Variants in BCL2L11 observed in about 807,000 individuals in gnomAD.
The protein encoded by BCL2L11 is bcl-2-like protein 11.
A neutral mutation model predicts 20.6 loss-of-function variants in BCL2L11; 15 were observed. The observed-to-expected ratio is 0.73, with a 90% CI of 0.49 to 1.12. The LOEUF is 1.12. Ranked by LOEUF, BCL2L11 falls within the 50% of genes most tolerant of loss-of-function variation. BCL2L11 has a pLI of 0.00. For missense variants in BCL2L11, 292 were observed against 260.9 expected, an observed-to-expected ratio of 1.12 and a Z score of -0.82; for synonymous variants, 108 against 92.8, an observed-to-expected ratio of 1.16 and a Z score of -0.94.
At chr2:111,149,890 C>T (rs1484935752) in intron 2 of BCL2L11, among the ~76,000 whole-genome samples, 154 bp from the exon 3 acceptor site, 2 of 152,144 alleles carry the variant, frequency 1.3e-5, no homozygotes, top group African/African-American at 4.8e-5. Flanking sequence ...CCACTCTAAT[C>T]TTTAGTACAT....
At chr2:111,128,820 T>G in intron 2 of BCL2L11, 1 of 1,465,238 alleles carries the variant, frequency 6.8e-7, no homozygotes. Flanking sequence ...TCATTGGTGA[T>G]TAAATAAAAT....
intron 2 of BCL2L11, among the ~76,000 whole-genome samples, chr2:111,126,342 C>T (rs532853388): frequency 1.3e-5 from 2 of 152,240 alleles, no homozygotes; most frequent in East Asian, 3.9e-4. Flanking sequence ...AATGGTTATA[C>T]CTGTGAAGTA....
intron 2 of BCL2L11, among the ~76,000 whole-genome samples, chr2:111,148,445 C>T (rs2076841924): frequency 6.6e-6 from 1 of 152,240 alleles, no homozygotes. Flanking sequence ...AGCATCACCT[C>T]ATATCACATC....
chr2:111,128,664 C>G, intron 2 of BCL2L11: 1 of 1,539,304 alleles, frequency 6.5e-7, no homozygotes, highest in African/African-American at 1.4e-5. Flanking sequence ...TTTCACTGTG[C>G]TTTGGATTTA....
rs766299103 is a variant in BCL2L11, at chr2:111,123,827, C to G, written c.82C>G (p.Leu28Val). The stretch of plus-strand genomic sequence containing the variant: ...GCAGCCTGCGGAGAGGCCTCCCCAG[C>G]TCAGACCTGGGGCCCCTACCTCCCT... ...QLQPAERPPQ[L>V]RPGAPTSLQT... The change falls in exon 2 of 4, where the codon CTC becomes GTC. Residue 28 changes from leucine (L) to valine (V), a missense_variant. Coordinates refer to ENST00000393256, the MANE Select transcript of BCL2L11 (RefSeq NM_138621.5). The G allele has an allele frequency of 2.6e-6, 4 of 1,540,152 alleles. No homozygotes were observed. In the Admixed American group the frequency reaches 8.4e-5, roughly 32 times the overall value.
intron 1 of BCL2L11, chr2:111,123,327 C>A (rs1374918459): frequency 2.0e-6 from 2 of 985,508 alleles, no homozygotes; most frequent in African/African-American, 3.5e-5. Context: ...CGCCTGCAAT[C>A]GCTGCATCTG....
At chr2:111,131,054 TGTC>T (rs941318170) in intron 2 of BCL2L11, among the ~76,000 whole-genome samples, 3 of 152,166 alleles carry the variant, frequency 2.0e-5, no homozygotes, top group African/African-American at 7.2e-5. Context: ...GAGAGGGGTC[TGTC>T]GTCTTCTTTT....
chr2:111,131,436 A>G (rs2073934418), intron 2 of BCL2L11: 1 of 152,014 alleles, frequency 6.6e-6, no homozygotes, highest in African/African-American at 2.4e-5. Context: ...TGGATGCAGG[A>G]TCTGTTGTGA....
At chr2:111,122,643 A>G (rs2071353188) in intron 1 of BCL2L11, 3 of 983,482 alleles carry the variant, frequency 3.1e-6, no homozygotes, top group Non-Finnish European at 3.6e-6. Context: ...GAGGAGCGGG[A>G]GGAGGCGGAG....
chr2:111,128,577 C>A, intron 2 of BCL2L11: 3 of 1,474,478 alleles, frequency 2.0e-6, no homozygotes, highest in South Asian at 1.4e-5. Context: ...CACAAGGGTT[C>A]CAGTTTCTCC....
At chr2:111,146,101 G>A (rs2076476040) in intron 2 of BCL2L11, 1 of 985,042 alleles carries the variant, frequency 1.0e-6, no homozygotes, top group Non-Finnish European at 1.2e-6. Flanking sequence ...AAAAAATTTA[G>A]TGCCAGGTTT....
intron 2 of BCL2L11, chr2:111,128,919 C>A (rs2073283003): frequency 1.4e-5 from 17 of 1,173,578 alleles, no homozygotes; most frequent in Non-Finnish European, 1.8e-5. Context: ...GGCTGGTGTT[C>A]TGTTTCATCT....
chr2:111,154,365 A>AAAAG (rs1488824468), intron 3 of BCL2L11, among the ~76,000 whole-genome samples: 4 of 152,044 alleles, frequency 2.6e-5, no homozygotes, highest in African/African-American at 9.7e-5. Flanking sequence ...AAAAAAAAAA[A>AAAAG]AAAAGAAAAA....
Position 111,166,986 on chromosome 2 carries a change from ACT to A in BCL2L11, c.*2756_*2757del, listed in dbSNP as rs139489747. 2.8e-3 allele frequency: 427 copies of A among 152,682 alleles called. 2 individuals are homozygous for A. Among genetic ancestry groups the A allele is most frequent in the African/African-American group, 9.0e-3 (374 of 41,550 alleles). The allele number at this position is 152,682 out of a possible 1,614,324, so 9.5% of individuals were successfully genotyped here. ...TACAGCATAAATAAGTAAAAAAATC[ACT>A]GTTTTTCTCAACTTTTTCAAAATCA... is the stretch of plus-strand genomic sequence containing the variant. On this transcript the variant is annotated 3_prime_UTR_variant, in exon 4 of 4. Transcript: ENST00000393256.
At chr2:111,125,040 C>T (rs957522554) in intron 2 of BCL2L11, among the ~76,000 whole-genome samples, 7 of 152,198 alleles carry the variant, frequency 4.6e-5, no homozygotes, top group Non-Finnish European at 8.8e-5. Context: ...ATGGAAGGAA[C>T]TGACCTGGTG....
At chr2:111,123,028 A>G in intron 1 of BCL2L11, 1 of 982,286 alleles carries the variant, frequency 1.0e-6, no homozygotes, top group Non-Finnish European at 1.2e-6. Flanking sequence ...TAGACCTTGC[A>G]GGCGTTCGCT....
chr2:111,135,544 T>TGG (rs143202015), intron 2 of BCL2L11, among the ~76,000 whole-genome samples: 1 of 151,462 alleles, frequency 6.6e-6, no homozygotes, highest in African/African-American at 2.4e-5. Context: ...CCACCAGGGG[T>TGG]GGGGGGGTCA....
intron 3 of BCL2L11, among the ~76,000 whole-genome samples, chr2:111,157,735 T>C (rs1257194906): frequency 6.6e-6 from 1 of 152,238 alleles, no homozygotes; most frequent in East Asian, 1.9e-4. Context: ...GCCTTAACTA[T>C]CATAATTTCT....
rs13431579 is a variant in BCL2L11 at position 111,145,522 on chromosome 2, C to T, written c.395-4522C>T. On this transcript the variant is annotated intron_variant, in intron 2 of 3. Transcript: ENST00000393256. ...TTTTTTAAAAAAAAAAGTTTCCTGC[C>T]GTGGCTGCTGCTACAGAAAGTCCTT... 9.9e-3 allele frequency among the ~76,000 whole-genome samples: 1,513 copies of T among 152,150 alleles called. 31 individuals carry two copies. Among genetic ancestry groups the T allele is most frequent in the African/African-American group, 0.034 (1,408 of 41,504 alleles).
Sources: gnomAD v4.1 joint callset for allele counts (sites outside exome capture counted in the v4.1 genomes callset) on GRCh38, gnomAD v4.1.1 for gene constraint, MANE v1.5 for transcripts, NCBI Gene and HGNC (gene_info 2026-07-23, HGNC 2026-07-21) for gene names.